The following DEPTOR variants were observed in gnomAD, a reference collection of about 807,000 sequenced individuals.
DEPTOR encodes DEP domain-containing mTOR-interacting protein.
Under a neutral mutation model 41.6 loss-of-function variants are expected in DEPTOR, and 41 were observed. The observed-to-expected ratio is 0.98, with a 90% CI of 0.77 to 1.28. DEPTOR has a LOEUF of 1.28. DEPTOR is among the 50% of genes most tolerant of loss of function. The pLI is 0.00. For synonymous variants in DEPTOR, 195 were observed against 192.3 expected, an observed-to-expected ratio of 1.01 and a Z score of -0.12; for missense variants, 514 against 527.9, an observed-to-expected ratio of 0.97 and a Z score of 0.26.
At chr8:119,911,781 T>C (rs933865869) in intron 1 of DEPTOR, among the ~76,000 whole-genome samples, 2 of 152,216 alleles carry the variant, frequency 1.3e-5, no homozygotes, top group Non-Finnish European at 2.9e-5. Context: ...TTCTCTTCCA[T>C]GGACATGACA....
At chr8:119,935,751 A>G (rs1000032938) in intron 3 of DEPTOR, among the ~76,000 whole-genome samples, 1 of 151,880 alleles carries the variant, frequency 6.6e-6, no homozygotes, top group African/African-American at 2.4e-5. Context: ...AAAGAAAAGA[A>G]AAAAGTTGAA....
intron 4 of DEPTOR, among the ~76,000 whole-genome samples, chr8:119,972,622 C>CACA (rs1828647197): frequency 7.2e-6 from 1 of 138,344 alleles, no homozygotes; most frequent in African/African-American, 2.7e-5. Context: ...GACTCTGTCT[C>CACA]AAAAAAAAAA....
Position 119,948,791 on chromosome 8 carries a change from A to T in DEPTOR, c.426-16441A>T, listed in dbSNP as rs947300094. Among the ~76,000 whole-genome samples, 7 of 151,464 alleles carry T rather than the reference A, an allele frequency of 4.6e-5. 1 individual carries two copies. Among genetic ancestry groups the T allele is most frequent in the Non-Finnish European group, 1.0e-4 (7 of 67,868 alleles). ...CTCTATTTTTTTAATTTTAATTTTT[A>T]TTTATTTTTTTTTGAGACGGAGTTT... On this transcript the variant is annotated intron_variant, in intron 3 of 8. Transcript: ENST00000286234.
intron 1 of DEPTOR, among the ~76,000 whole-genome samples, chr8:119,907,409 A>T (rs1827677394): frequency 6.6e-6 from 1 of 152,210 alleles, no homozygotes; most frequent in South Asian, 2.1e-4. Context: ...ATGTTTAGTT[A>T]ATCAGCCTAT....
intron 1 of DEPTOR, among the ~76,000 whole-genome samples, chr8:119,906,815 C>T (rs898132081): frequency 1.3e-5 from 2 of 152,178 alleles, no homozygotes; most frequent in Admixed American, 1.3e-4. Context: ...CTAGCCCTCA[C>T]TGTTTATCTT....
chr8:119,892,124 G>A (rs1334528039), intron 1 of DEPTOR, among the ~76,000 whole-genome samples: 1 of 152,094 alleles, frequency 6.6e-6, no homozygotes, highest in Admixed American at 6.6e-5. Context: ...TCAGCCTCCC[G>A]AGTAGCTGGG....
chr8:119,926,089 T>C (rs1827960549), intron 1 of DEPTOR, among the ~76,000 whole-genome samples: 1 of 152,222 alleles, frequency 6.6e-6, no homozygotes, highest in African/African-American at 2.4e-5. Context: ...TACTTCTGTT[T>C]GCTGTTTTTT....
At chr8:120,019,681 C>T (rs761780315) in intron 8 of DEPTOR, among the ~76,000 whole-genome samples, 6 of 152,188 alleles carry the variant, frequency 3.9e-5, no homozygotes, top group Non-Finnish European at 7.3e-5. Flanking sequence ...CCCCTCATGC[C>T]GGTCAGCCAT....
intron 8 of DEPTOR, among the ~76,000 whole-genome samples, chr8:120,015,648 A>G (rs576362581): frequency 3.2e-4 from 49 of 152,302 alleles, no homozygotes; most frequent in Non-Finnish European, 6.6e-4. Context: ...AGAGTCTAAT[A>G]GGCAAGAAAG....
At chr8:120,042,472 AC>A (rs1813090835) in intron 8 of DEPTOR, among the ~76,000 whole-genome samples, 1 of 152,224 alleles carries the variant, frequency 6.6e-6, no homozygotes, top group South Asian at 2.1e-4. Flanking sequence ...TGTTCAGACC[AC>A]TTAGGGACAG....
intron 7 of DEPTOR, among the ~76,000 whole-genome samples, chr8:120,008,527 C>CAAAAAAAA (rs35570467): frequency 2.0e-5 from 2 of 99,686 alleles, no homozygotes. Flanking sequence ...GACTCTGTCT[C>CAAAAAAAA]AAAAAAAAAA....
chr8:120,010,959 C>T (rs1408224155), intron 8 of DEPTOR, among the ~76,000 whole-genome samples: 1 of 152,176 alleles, frequency 6.6e-6, no homozygotes, highest in Admixed American at 6.6e-5. Context: ...AAGGGTATTT[C>T]TGTCTTGATT....
At chr8:119,922,842 G>C (rs911078273) in intron 1 of DEPTOR, among the ~76,000 whole-genome samples, 1 of 152,156 alleles carries the variant, frequency 6.6e-6, no homozygotes, top group Non-Finnish European at 1.5e-5. Flanking sequence ...ACATTTTGGG[G>C]TGAAATCTGT....
intron 8 of DEPTOR, among the ~76,000 whole-genome samples, chr8:120,034,264 T>TACATACACAC (rs1554587415): frequency 6.9e-6 from 1 of 145,278 alleles, no homozygotes; most frequent in Non-Finnish European, 1.5e-5. Context: ...GCAAAGCATG[T>TACATACACAC]ACACACACAC....
intron 8 of DEPTOR, among the ~76,000 whole-genome samples, chr8:120,020,553 T>G (rs981622846): frequency 6.6e-6 from 1 of 152,144 alleles, no homozygotes; most frequent in Admixed American, 6.5e-5. Context: ...CTTCTCATTC[T>G]TTTCATCTGA....
chr8:119,995,881 C>A (rs1481377959), intron 4 of DEPTOR, among the ~76,000 whole-genome samples: 1 of 152,128 alleles, frequency 6.6e-6, no homozygotes, highest in Non-Finnish European at 1.5e-5. Context: ...TGTCTACCTG[C>A]ACTCTTTCAG....
chr8:119,899,510 A>G (rs1827560373), intron 1 of DEPTOR, among the ~76,000 whole-genome samples: 1 of 152,222 alleles, frequency 6.6e-6, no homozygotes, highest in South Asian at 2.1e-4. Context: ...GCAAGAATCT[A>G]TGTGTATTTA....
rs575416959 is a variant in DEPTOR at position 119,907,160 on chromosome 8, A to G, written c.123-21240A>G. 7.9e-5 allele frequency among the ~76,000 whole-genome samples: 12 copies of G among 152,236 alleles called. No homozygotes were observed. In the East Asian group the frequency reaches 1.7e-3, roughly 22 times the overall value. On this transcript the variant is annotated intron_variant, in intron 1 of 8. Transcript: ENST00000286234. ...ACTGTTTTTTTCACATGGCAACAAAACGTAAGATCTGGCCCATGACACTAC... is the reference window on the plus strand; with the variant it reads ...ACTGTTTTTTTCACATGGCAACAAAGCGTAAGATCTGGCCCATGACACTAC...
chr8:120,042,218 G>A (rs2130201469), intron 8 of DEPTOR, among the ~76,000 whole-genome samples: 1 of 152,222 alleles, frequency 6.6e-6, no homozygotes, highest in East Asian at 1.9e-4. Context: ...CCATTCAGAG[G>A]TAGTCACGCG....
Sources: allele counts gnomAD v4.1 joint callset (sites outside exome capture counted in the v4.1 genomes callset), GRCh38; gene constraint gnomAD v4.1.1; transcripts MANE v1.5; gene names NCBI Gene and HGNC (gene_info 2026-07-23, HGNC 2026-07-21).